COL6A6: variants seen among roughly 807,000 people sequenced by gnomAD.
The protein encoded by COL6A6 is collagen alpha-6(VI) chain.
COL6A6 carries 183 observed loss-of-function variants against 208.6 expected under a neutral mutation model. The observed-to-expected ratio is 0.88, with a 90% CI of 0.78 to 0.99. The LOEUF is 0.99. COL6A6 is among the 50% of genes least tolerant of loss of function. COL6A6 has a pLI of 0.00. For missense variants in COL6A6, 2,816 were observed against 2,815.2 expected (o/e 1.00, Z -0.01); for synonymous variants, 973 against 1,011.8 (o/e 0.96, Z 0.73).
At chr3:130,610,349 A>G (rs1221253483) in intron 22 of COL6A6, among the ~76,000 whole-genome samples, 3 of 152,212 alleles carry the variant, frequency 2.0e-5, no homozygotes, top group Non-Finnish European at 4.4e-5. Flanking sequence ...CTTTCTAACA[A>G]GAGAAATGTA....
chr3:130,586,772 A>G (rs751344238), intron 11 of COL6A6, 112 bp downstream of exon 11: 4 of 1,065,800 alleles, frequency 3.8e-6, no homozygotes, highest in Non-Finnish European at 5.2e-6. Context: ...GAGTGAAGAA[A>G]GGTTTTTATG....
chr3:130,604,844 G>A (rs895357589), intron 20 of COL6A6, among the ~76,000 whole-genome samples: 9 of 152,204 alleles, frequency 5.9e-5, no homozygotes, highest in Admixed American at 2.6e-4. Flanking sequence ...TTCCACTTCC[G>A]TTAAACATAC....
chr3:130,594,392 A>C (rs1176016139), intron 18 of COL6A6, 49 bp downstream of exon 18: 1 of 1,428,202 alleles, frequency 7.0e-7, no homozygotes, highest in Admixed American at 1.8e-5. Flanking sequence ...TCCCATCCGT[A>C]CTTCTGATAG....
intron 8 of COL6A6, among the ~76,000 whole-genome samples, chr3:130,581,026 A>G (rs2063406857): frequency 6.6e-6 from 1 of 150,828 alleles, no homozygotes; most frequent in Non-Finnish European, 1.5e-5. Flanking sequence ...TCTTTTCTGC[A>G]TGGATGTTAG....
Position 130,587,410 on chromosome 3 carries a change from C to T in COL6A6, c.4125+750C>T, listed in dbSNP as rs1040944784. 7.2e-5 allele frequency among the ~76,000 whole-genome samples: 11 copies of T among 152,258 alleles called. No individual in the cohort carries two copies. In the East Asian group the frequency reaches 1.7e-3, roughly 24 times the overall value. Reference sequence around the variant, plus strand: ...CCGAGTAGCTGGGATTACCGGCGCCCGCCACCATGCCCGGCTAATTTTTGT... The same window carrying T: ...CCGAGTAGCTGGGATTACCGGCGCCTGCCACCATGCCCGGCTAATTTTTGT... On this transcript the variant is annotated intron_variant, in intron 11 of 36. Coordinates refer to ENST00000358511, the MANE Select transcript of COL6A6 (RefSeq NM_001102608.3).
chr3:130,667,507 A>G (rs539538154), intron 36 of COL6A6, among the ~76,000 whole-genome samples: 18 of 152,092 alleles, frequency 1.2e-4, no homozygotes, highest in Non-Finnish European at 2.1e-4. Context: ...CCAAAGTGCT[A>G]GGATTACAGG....
At chr3:130,534,524 A>G (rs1193690512) in intron 1 of COL6A6, among the ~76,000 whole-genome samples, 1 of 152,106 alleles carries the variant, frequency 6.6e-6, no homozygotes, top group African/African-American at 2.4e-5. Flanking sequence ...TTTCTTCCAA[A>G]GTCATAATGG....
chr3:130,606,855 G>A (rs901777001), intron 20 of COL6A6, 76 bp from the exon 21 acceptor site: 2 of 1,151,176 alleles, frequency 1.7e-6, no homozygotes, highest in African/African-American at 1.5e-5. Flanking sequence ...GCCTTAAAGT[G>A]TCCATTATGA....
chr3:130,649,657 T>A, intron 33 of COL6A6, 95 bp downstream of exon 33: 1 of 1,329,270 alleles, frequency 7.5e-7, no homozygotes, highest in Non-Finnish European at 1.0e-6. Flanking sequence ...CAGGGCCATT[T>A]GTTAGGAAGT....
Position 130,627,127 on chromosome 3 carries a change from T to C in COL6A6, c.4942-192T>C, listed in dbSNP as rs186621064. The stretch of plus-strand genomic sequence containing the variant: ...ATGGGAATACCTAGGGACAGTGCAT[T>C]GTCTGTATCTGTTACTAACAATTGC... On this transcript the variant is annotated intron_variant, in intron 25 of 36. Transcript: ENST00000358511. Among the ~76,000 whole-genome samples the C allele has an allele frequency of 5.3e-5, 8 of 152,270 alleles. No individual in the cohort carries two copies. The East Asian group carries it at 1.5e-3, about 29-fold the overall frequency.
intron 1 of COL6A6, among the ~76,000 whole-genome samples, chr3:130,532,378 ATCT>A (rs1372287801): frequency 6.6e-6 from 1 of 152,010 alleles, no homozygotes; most frequent in African/African-American, 2.4e-5. Context: ...CCCTTTTCTG[ATCT>A]TCTACACTCC....
At chr3:130,545,305 T>C (rs2062463879) in intron 1 of COL6A6, among the ~76,000 whole-genome samples, 1 of 152,158 alleles carries the variant, frequency 6.6e-6, no homozygotes, top group Non-Finnish European at 1.5e-5. Flanking sequence ...GTCTTGGTTC[T>C]CTCTAACTTT....
chr3:130,565,150 A>C lies in COL6A6; in HGVS notation c.818A>C (p.Tyr273Ser). 1 of 1,614,052 alleles carries C rather than the reference A, an allele frequency of 6.2e-7. No homozygotes were observed. Among genetic ancestry groups the C allele is most frequent in the Non-Finnish European group, 8.5e-7 (1 of 1,179,878 alleles). Residue 273 changes from tyrosine to serine, a missense_variant, in exon 4 of 37, where the codon TAT becomes TCT. Transcript: ENST00000358511. ...TGCATGAGGGTTGGCCTTGTGGCCTATAGCAATGAGACAAAAGTGATAAAT... is the reference window on the plus strand; with the variant it reads ...TGCATGAGGGTTGGCCTTGTGGCCTCTAGCAATGAGACAAAAGTGATAAAT... ...ENCMRVGLVA[Y>S]SNETKVINSL...
chr3:130,554,265 T>TCTA (rs1011060603), intron 1 of COL6A6, among the ~76,000 whole-genome samples: 2 of 152,200 alleles, frequency 1.3e-5, no homozygotes, highest in African/African-American at 4.8e-5. Context: ...TTCATAATAG[T>TCTA]GGCAGCACAA....
chr3:130,606,592 T>G (rs2064189469), intron 20 of COL6A6, among the ~76,000 whole-genome samples: 1 of 152,140 alleles, frequency 6.6e-6, no homozygotes, highest in Non-Finnish European at 1.5e-5. Flanking sequence ...GAAATAAAAT[T>G]CAAATAAGTC....
At chr3:130,641,878 G>T (rs1391082027) in intron 29 of COL6A6, among the ~76,000 whole-genome samples, 164 bp downstream of exon 29, 1 of 152,008 alleles carries the variant, frequency 6.6e-6, no homozygotes, top group Non-Finnish European at 1.5e-5. Flanking sequence ...AATATTTAGA[G>T]GTGAAAAAAT....
chr3:130,614,681 G>A (rs544798366), intron 23 of COL6A6, among the ~76,000 whole-genome samples: 67 of 152,044 alleles, frequency 4.4e-4, no homozygotes, highest in Admixed American at 1.8e-3. Context: ...TTGAGTCAAC[G>A]TTGGAGCTTG....
intron 1 of COL6A6, among the ~76,000 whole-genome samples, chr3:130,547,492 G>A (rs1206222484): frequency 6.6e-6 from 1 of 152,242 alleles, no homozygotes; most frequent in Admixed American, 6.5e-5. Context: ...GCCTTGGCCA[G>A]CCTAGAGAGG....
intron 8 of COL6A6, among the ~76,000 whole-genome samples, chr3:130,578,408 T>C (rs1345858076): frequency 6.6e-6 from 1 of 152,142 alleles, no homozygotes; most frequent in Non-Finnish European, 1.5e-5. Context: ...TACATGCCAA[T>C]ACTTTATTGG....
Sources: allele counts gnomAD v4.1 joint callset (sites outside exome capture counted in the v4.1 genomes callset), GRCh38; gene constraint gnomAD v4.1.1; transcripts MANE v1.5; gene names NCBI Gene and HGNC (gene_info 2026-07-23, HGNC 2026-07-21).